ZCCHC24: variants seen among roughly 807,000 people sequenced by gnomAD.
ZCCHC24 encodes the protein zinc finger CCHC domain-containing protein 24.
ZCCHC24 carries 10 observed loss-of-function variants against 26.2 expected under a neutral mutation model. The observed-to-expected ratio is 0.38, with a 90% CI of 0.24 to 0.65. ZCCHC24 has a LOEUF of 0.65. Among genes scored for constraint, ZCCHC24 ranks in the 30% least tolerant of loss-of-function variants. The pLI, the probability that ZCCHC24 is intolerant of heterozygous loss-of-function variation, is 0.54. For synonymous variants in ZCCHC24, 144 were observed against 147.1 expected (o/e 0.98, Z 0.15); for missense variants, 243 against 329.1 (o/e 0.74, Z 2.03).
intron 2 of ZCCHC24, among the ~76,000 whole-genome samples, chr10:79,430,765 T>C (rs1252231652): frequency 1.3e-5 from 2 of 151,894 alleles, no homozygotes; most frequent in East Asian, 3.9e-4. Flanking sequence ...TGGATATTGG[T>C]CACCCTGGGG....
In ZCCHC24 at chr10:79,385,851, T is replaced by G; in HGVS notation, c.*494A>C. Reference sequence around the variant, plus strand: ...AGCCGCTGTTGGAACACATGTCCCCTTGCCACGATTGCTGACTCAGGAAAG... The same window carrying G: ...AGCCGCTGTTGGAACACATGTCCCCGTGCCACGATTGCTGACTCAGGAAAG... On this transcript the variant is annotated 3_prime_UTR_variant, in exon 4 of 4. Transcript: ENST00000372336. The surrounding 1 kb of genome is among the most constrained non-coding windows in gnomAD (Gnocchi z 4.3). 1 of 270,066 alleles carries G rather than the reference T, an allele frequency of 3.7e-6. No individual in the cohort carries two copies. Among genetic ancestry groups the G allele is most frequent in the Non-Finnish European group, 7.0e-6 (1 of 143,108 alleles). The allele number at this position is 270,066 out of a possible 1,614,324, so 16.7% of individuals were successfully genotyped here.
intron 2 of ZCCHC24, among the ~76,000 whole-genome samples, chr10:79,424,750 A>AC (rs1857002651): frequency 6.6e-6 from 1 of 151,506 alleles, no homozygotes. Flanking sequence ...TTCCAGCCAC[A>AC]CCCCCACTCC....
Position 79,384,848 on chromosome 10 carries a change from A to AG in ZCCHC24, c.*1496dup. ...TTTTTTTCCCACAGAGGCATAATGT[A>AG]GGGGCAAAATCAAGAGACCCAGTTC... On this transcript the variant is annotated 3_prime_UTR_variant, in exon 4 of 4. Coordinates refer to ENST00000372336, the MANE Select transcript of ZCCHC24 (RefSeq NM_153367.4). 1 of 151,548 alleles carries AG rather than the reference A, an allele frequency of 6.6e-6. No homozygotes were observed. Among genetic ancestry groups the AG allele is most frequent in the East Asian group, 1.9e-4 (1 of 5,216 alleles). The allele number at this position is 151,548 out of a possible 1,614,324, so 9.4% of individuals were successfully genotyped here. A position where few individuals can be genotyped will look rare whatever the true frequency, so the allele number is the denominator to read the frequency against.
intron 2 of ZCCHC24, among the ~76,000 whole-genome samples, chr10:79,395,454 G>T (rs1485917026): frequency 1.3e-5 from 2 of 152,198 alleles, no homozygotes; most frequent in South Asian, 4.1e-4. Context: ...TGTGAATATA[G>T]AAGTGAAATT....
At chr10:79,436,054 G>A (rs1480744329) in intron 1 of ZCCHC24, among the ~76,000 whole-genome samples, 2 of 152,162 alleles carry the variant, frequency 1.3e-5, no homozygotes, top group African/African-American at 2.4e-5. Context: ...CCAGACACCC[G>A]GGTCCTGAGA....
chr10:79,392,155 G>C (rs1436380191), intron 3 of ZCCHC24, among the ~76,000 whole-genome samples: 1 of 152,016 alleles, frequency 6.6e-6, no homozygotes, highest in East Asian at 1.9e-4. Flanking sequence ...TCTGCCCTCT[G>C]GAGTGCTCGC....
At position 79,394,666 on chromosome 10, in the gene ZCCHC24, AGAG is replaced by A. The variant is rs546615072; in HGVS notation, c.448-229_448-227del. ...AAAACAGAGGAGATGGTGAAAAAAC[AGAG>A]GAGATGGCGCACGTCTCTTCTAGAT... On this transcript the variant is annotated intron_variant, in intron 2 of 3. Transcript: ENST00000372336. 5.4e-4 allele frequency: 533 copies of A among 981,952 alleles called. 2 individuals carry two copies. In the African/African-American group the frequency reaches 8.6e-3, roughly 16 times the overall value. The allele number at this position is 981,952 out of a possible 1,614,324, so 60.8% of individuals were successfully genotyped here. A position where few individuals can be genotyped will look rare whatever the true frequency, so the allele number is the denominator to read the frequency against.
intron 1 of ZCCHC24, among the ~76,000 whole-genome samples, chr10:79,436,835 C>A (rs1857223381): frequency 6.6e-6 from 1 of 152,290 alleles, no homozygotes; most frequent in South Asian, 2.1e-4. Flanking sequence ...AAGTGGAAGC[C>A]CCTGGGCCAT....
chr10:79,398,129 G>A (rs1183278225), intron 2 of ZCCHC24, among the ~76,000 whole-genome samples: 2 of 152,196 alleles, frequency 1.3e-5, no homozygotes, highest in Non-Finnish European at 2.9e-5. Context: ...CGTCCTCAGC[G>A]CACCATTCCC....
rs550797461 is a variant in ZCCHC24 at position 79,397,571 on chromosome 10, T to TC, written c.448-3132dup. Reference sequence around the variant, plus strand: ...GAAATAAAGCACTGGATGAACTCACTCCCCCATGTCTCCCCAGAAGCATCT... The same window carrying TC: ...GAAATAAAGCACTGGATGAACTCACTCCCCCCATGTCTCCCCAGAAGCATCT... On this transcript the variant is annotated intron_variant, in intron 2 of 3. Coordinates refer to ENST00000372336, the MANE Select transcript of ZCCHC24 (RefSeq NM_153367.4). Among the ~76,000 whole-genome samples, 351 of 152,134 alleles carry TC rather than the reference T, an allele frequency of 2.3e-3. 3 individuals are homozygous for TC. Among genetic ancestry groups the TC allele is most frequent in the South Asian group, 9.8e-3 (47 of 4,814 alleles).
chr10:79,436,235 A>G (rs1219900609), intron 1 of ZCCHC24, among the ~76,000 whole-genome samples: 2 of 152,018 alleles, frequency 1.3e-5, no homozygotes, highest in Non-Finnish European at 2.9e-5. Flanking sequence ...TCCAGCCCAC[A>G]CTTGCTGCCT....
intron 2 of ZCCHC24, among the ~76,000 whole-genome samples, chr10:79,427,076 A>C (rs1373992424): frequency 2.6e-5 from 4 of 152,190 alleles, no homozygotes; most frequent in African/African-American, 9.6e-5. Flanking sequence ...AAACAAAAAA[A>C]AAACAGTTAC....
chr10:79,442,155 G>A (rs780029312), intron 1 of ZCCHC24, among the ~76,000 whole-genome samples: 10 of 152,172 alleles, frequency 6.6e-5, no homozygotes, highest in African/African-American at 1.2e-4. Flanking sequence ...CGTTGTTGCC[G>A]TAGATCAGGT....
At chr10:79,443,530 C>T (rs919464948) in intron 1 of ZCCHC24, among the ~76,000 whole-genome samples, 4 of 152,354 alleles carry the variant, frequency 2.6e-5, no homozygotes, top group Middle Eastern at 6.8e-3. Context: ...ACCCACCATT[C>T]ATACCCTCTA....
In ZCCHC24 at chr10:79,445,310, G is replaced by T. The variant is rs1361923331; in HGVS notation, c.131C>A (p.Pro44Gln). The T allele has an allele frequency of 1.3e-6, 2 of 1,497,294 alleles. No individual in the cohort carries two copies. The highest frequency in any genetic ancestry group is 1.8e-6 in the Non-Finnish European group (2 of 1,123,136). The allele number at this position is 1,497,294 out of a possible 1,614,324, so 92.8% of individuals were successfully genotyped here. ...CTCCGGGGGTGCGGCGCCGGCGGTC[G>T]GCTCGGGCCGGAAGGCATCGAAGGC... ...ASAFDAFRPE[P>Q]TAGAAPPELA... is the part of the protein sequence containing the mutation. The change falls in exon 1 of 4, where the codon CCG becomes CAG. Residue 44 changes from proline (P) to glutamine (Q), a missense_variant. Pro to Gln is a moderately conservative substitution (Grantham distance 76). Transcript: ENST00000372336.
At chr10:79,432,416 AG>A (rs1857144116) in intron 2 of ZCCHC24, 141 bp downstream of exon 2, 3 of 855,834 alleles carry the variant, frequency 3.5e-6, no homozygotes, top group African/African-American at 1.8e-5. Flanking sequence ...CAGGGACAAA[AG>A]GGTAGAGGCC....
intron 3 of ZCCHC24, among the ~76,000 whole-genome samples, chr10:79,390,473 G>A (rs970387952): frequency 3.2e-4 from 49 of 152,240 alleles, no homozygotes; most frequent in African/African-American, 1.1e-3. Flanking sequence ...GCGAAGTCCC[G>A]GGTGAAATGA....
At chr10:79,437,238 A>C (rs971186005) in intron 1 of ZCCHC24, among the ~76,000 whole-genome samples, 1 of 152,054 alleles carries the variant, frequency 6.6e-6, no homozygotes, top group Non-Finnish European at 1.5e-5. Flanking sequence ...TTATTTGTAG[A>C]GATGAGGTTT....
intron 2 of ZCCHC24, among the ~76,000 whole-genome samples, chr10:79,396,333 T>C (rs1319649739): frequency 6.6e-6 from 1 of 152,196 alleles, no homozygotes; most frequent in East Asian, 1.9e-4. Flanking sequence ...AAGCTGCAAG[T>C]GTTCTTAAAA....
Sources: allele counts gnomAD v4.1 joint callset (sites outside exome capture counted in the v4.1 genomes callset), GRCh38; gene constraint gnomAD v4.1.1; non-coding constraint Gnocchi (gnomAD v3.1); transcripts MANE v1.5; gene names NCBI Gene and HGNC (gene_info 2026-07-23, HGNC 2026-07-21).